Variants in GRIA3 observed in about 807,000 individuals in gnomAD.
GRIA3 encodes glutamate ionotropic receptor AMPA type subunit 3, also known as glutamate receptor 3.
Under a neutral mutation model 63.0 loss-of-function variants are expected in GRIA3, and 3 were observed. The ratio of observed to expected loss-of-function variants is 0.05; its 90% CI spans 0.02 to 0.12. The LOEUF is 0.12. Among genes scored for constraint, GRIA3 ranks in the 10% least tolerant of loss-of-function variants. The probability of loss-of-function intolerance (pLI) is 1.00; values close to 1 mark genes in which losing one functional copy is unlikely to be tolerated. For missense variants in GRIA3, 347 were observed against 700.9 expected, an observed-to-expected ratio of 0.50 and a Z score of 5.70; for synonymous variants, 274 against 257.9, an observed-to-expected ratio of 1.06 and a Z score of -0.60.
chrX:123,265,268 C>T (rs1040961173), intron 3 of GRIA3, among the ~76,000 whole-genome samples: 15 of 111,630 alleles, frequency 1.3e-4, no homozygotes, highest in African/African-American at 4.6e-4. Flanking sequence ...GGGGGTTTAC[C>T]CACCTGTACA....
Position 123,219,394 on chromosome X carries a change from A to G in GRIA3, c.268+33404A>G, listed in dbSNP as rs777493970. ...TAGAATGAGTCTACCTCTAATCCCC[A>G]CTTTCTTTTAAGGTTCAAGAAGTAG... On this transcript the variant is annotated intron_variant, in intron 2 of 15. Coordinates refer to ENST00000620443, the MANE Select transcript of GRIA3 (RefSeq NM_007325.5). Among the ~76,000 whole-genome samples the G allele has an allele frequency of 2.7e-5, 3 of 111,858 alleles. No homozygotes were observed. The South Asian group carries it at 1.1e-3, about 42-fold the overall frequency.
chrX:123,268,359 A>G (rs146429749), intron 3 of GRIA3, among the ~76,000 whole-genome samples: 2,520 of 110,639 alleles, frequency 0.023, 79 homozygotes, highest in African/African-American at 0.077. Context: ...TGAAAATCCT[A>G]GAGAAAGAAT....
chrX:123,340,348 A>G (rs2045001094), intron 4 of GRIA3, among the ~76,000 whole-genome samples: 1 of 112,886 alleles, frequency 8.9e-6, no homozygotes, highest in South Asian at 3.6e-4. Flanking sequence ...TTAATTGTAT[A>G]TCTGCATACA....
intron 11 of GRIA3, among the ~76,000 whole-genome samples, chrX:123,422,819 G>C (rs2045570107): frequency 8.9e-6 from 1 of 112,073 alleles, no homozygotes; most frequent in Non-Finnish European, 1.9e-5. Flanking sequence ...AACTCCTTGG[G>C]AATACAGTTG....
intron 2 of GRIA3, among the ~76,000 whole-genome samples, chrX:123,230,641 A>T (rs1321457507): frequency 9.0e-6 from 1 of 111,272 alleles, no homozygotes; most frequent in Non-Finnish European, 1.9e-5. Context: ...AAAAGAGAAA[A>T]TTGCCTACTC....
chrX:123,368,701 T>G (rs1338367631), intron 5 of GRIA3, among the ~76,000 whole-genome samples: 2 of 109,860 alleles, frequency 1.8e-5, no homozygotes, highest in African/African-American at 6.7e-5. Flanking sequence ...TGTGGGCAAT[T>G]TTACAAAAGT....
At chrX:123,316,751 T>C (rs2044833993) in intron 3 of GRIA3, among the ~76,000 whole-genome samples, 1 of 112,396 alleles carries the variant, frequency 8.9e-6, no homozygotes, top group South Asian at 3.7e-4. Flanking sequence ...TAATGCTAGA[T>C]TTTTTAAAGG....
chrX:123,434,681 G>A (rs1162120273), intron 12 of GRIA3, among the ~76,000 whole-genome samples: 1 of 111,300 alleles, frequency 9.0e-6, no homozygotes, highest in Non-Finnish European at 1.9e-5. Flanking sequence ...CTGAGGCCTG[G>A]CCAAAAAGGC....
rs2044401638 is a variant in GRIA3, at chrX:123,253,388, G to C, written c.354G>C (p.Gly118=). 8.3e-7 allele frequency: 1 copy of C among 1,211,111 alleles called. No individual in the cohort carries two copies. Among genetic ancestry groups the C allele is most frequent in the Admixed American group, 2.2e-5 (1 of 46,049 alleles). The change falls in exon 3 of 16, where the codon GGG becomes GGC. Residue 118 remains glycine, a synonymous_variant. Transcript: ENST00000620443. ...TGAACACCCTGACCTCCTTCTGTGG[G>C]GCCCTGCACACATCCTTTGTTACGC... The part of the protein sequence containing the change: ...MSMNTLTSFC[G]ALHTSFVTPS...
intron 2 of GRIA3, among the ~76,000 whole-genome samples, chrX:123,250,589 A>G (rs957831436): frequency 9.0e-6 from 1 of 111,662 alleles, no homozygotes; most frequent in African/African-American, 3.3e-5. Context: ...TATAGGATTC[A>G]TGGATCCTAA....
At chrX:123,346,707 G>A (rs1238048861) in intron 4 of GRIA3, among the ~76,000 whole-genome samples, 2 of 111,822 alleles carry the variant, frequency 1.8e-5, no homozygotes, top group African/African-American at 6.5e-5. Flanking sequence ...TTCTCCCACT[G>A]GGTTATAATT....
rs1162129652 is a variant in GRIA3 at position 123,489,750 on chromosome X, C to T, written c.*1040C>T. On this transcript the variant is annotated 3_prime_UTR_variant, in exon 16 of 16. Coordinates refer to ENST00000620443, the MANE Select transcript of GRIA3 (RefSeq NM_007325.5). The stretch of plus-strand genomic sequence containing the variant: ...GCCTTTCAAGTGTACACCACGGAGA[C>T]AGGACCGCGTTGCAAGGCGGGACAG... The T allele has an allele frequency of 8.9e-6, 1 of 112,480 alleles. No individual in the cohort carries two copies. Among genetic ancestry groups the T allele is most frequent in the East Asian group, 2.8e-4 (1 of 3,589 alleles). The allele number at this position is 112,480 out of a possible 1,213,427, so 9.3% of individuals were successfully genotyped here.
In GRIA3 at chrX:123,404,815, G is replaced by C; in HGVS notation, c.1401G>C (p.Arg467Ser). The change falls in exon 10 of 16, where the codon AGG becomes AGC. Residue 467 changes from arginine (R) to serine (S), a missense_variant. Coordinates refer to ENST00000620443, the MANE Select transcript of GRIA3 (RefSeq NM_007325.5). ...CCTATGAAATAGCCAAACATGTAAG[G>C]ATCAAATACAAATTGTCCATCGTTG... Reference protein sequence around the residue: ...DLAYEIAKHVRIKYKLSIVGD... With the variant: ...DLAYEIAKHVSIKYKLSIVGD... 1.7e-6 allele frequency: 2 copies of C among 1,204,263 alleles called. No individual in the cohort carries two copies. The highest frequency in any genetic ancestry group is 2.3e-6 in the Non-Finnish European group (2 of 888,689).
intron 12 of GRIA3, among the ~76,000 whole-genome samples, chrX:123,439,648 G>A (rs2045662883): frequency 9.1e-6 from 1 of 109,541 alleles, no homozygotes; most frequent in South Asian, 4.0e-4. Flanking sequence ...TTGGCAATAT[G>A]AATTCACCTT....
chrX:123,225,570 C>T (rs2044242264), intron 2 of GRIA3, among the ~76,000 whole-genome samples: 1 of 112,079 alleles, frequency 8.9e-6, no homozygotes, highest in South Asian at 3.7e-4. Flanking sequence ...GAACCTATTA[C>T]ATCTTTAGTC....
intron 12 of GRIA3, among the ~76,000 whole-genome samples, chrX:123,459,227 G>A (rs1461665797): frequency 9.0e-6 from 1 of 111,427 alleles, no homozygotes; most frequent in Admixed American, 9.6e-5. Context: ...CAAGCAGTCT[G>A]ACTACATGTT....
intron 3 of GRIA3, among the ~76,000 whole-genome samples, chrX:123,310,911 G>A (rs997884621): frequency 2.6e-4 from 29 of 109,674 alleles, no homozygotes; most frequent in African/African-American, 7.6e-4. Context: ...GCTGAGGCAC[G>A]AGAACCTCTT....
At chrX:123,362,036 C>A (rs764585838) in intron 5 of GRIA3, among the ~76,000 whole-genome samples, 1 of 112,359 alleles carries the variant, frequency 8.9e-6, no homozygotes, top group African/African-American at 3.2e-5. Context: ...CCCTCCATTT[C>A]TTTCCTTATA....
intron 2 of GRIA3, among the ~76,000 whole-genome samples, chrX:123,192,228 A>G (rs1470756737): frequency 9.0e-6 from 1 of 111,562 alleles, no homozygotes; most frequent in African/African-American, 3.3e-5. Flanking sequence ...AAGCTGCTAA[A>G]GTTCATAGGT....
Sources: allele counts gnomAD v4.1 joint callset (sites outside exome capture counted in the v4.1 genomes callset), GRCh38; gene constraint gnomAD v4.1.1; transcripts MANE v1.5; gene names NCBI Gene and HGNC (gene_info 2026-07-23, HGNC 2026-07-21).